CAMKMT: variants seen among roughly 807,000 people sequenced by gnomAD.
The protein encoded by CAMKMT is calmodulin-lysine N-methyltransferase.
In CAMKMT, 53 loss-of-function variants were observed where a neutral mutation model predicts 48.0. That is an observed-to-expected ratio of 1.10 (90% confidence interval 0.89 to 1.39). The LOEUF (loss-of-function observed/expected upper bound fraction) is 1.39. CAMKMT is among the 40% of genes most tolerant of loss of function. The probability of loss-of-function intolerance (pLI) is 0.00; values close to 1 mark genes in which losing one functional copy is unlikely to be tolerated. For missense variants in CAMKMT, 428 were observed against 402.7 expected (o/e 1.06, Z -0.54); for synonymous variants, 165 against 152.3 (o/e 1.08, Z -0.61).
At chr2:44,534,430 G>A (rs1174438970) in intron 3 of CAMKMT, among the ~76,000 whole-genome samples, 1 of 152,130 alleles carries the variant, frequency 6.6e-6, no homozygotes, top group African/African-American at 2.4e-5. Flanking sequence ...GCTCCAGAGT[G>A]CACATTCTTC....
chr2:44,467,313 C>T (rs553555794), intron 3 of CAMKMT, among the ~76,000 whole-genome samples: 9 of 152,116 alleles, frequency 5.9e-5, no homozygotes, highest in African/African-American at 1.7e-4. Flanking sequence ...AGGCAGACCA[C>T]CTGAGATCAG....
At chr2:44,601,046 A>G (rs1670955882) in intron 3 of CAMKMT, among the ~76,000 whole-genome samples, 2 of 152,172 alleles carry the variant, frequency 1.3e-5, no homozygotes, top group African/African-American at 4.8e-5. Flanking sequence ...AATTAAGTAT[A>G]ACATCTAGCT....
chr2:44,516,586 A>G (rs1670844158), intron 3 of CAMKMT, among the ~76,000 whole-genome samples: 1 of 152,142 alleles, frequency 6.6e-6, no homozygotes, highest in African/African-American at 2.4e-5. Flanking sequence ...CTATTAACTC[A>G]TTACCCTTGA....
chr2:44,580,693 A>G (rs1435268540), intron 3 of CAMKMT, among the ~76,000 whole-genome samples: 1 of 152,202 alleles, frequency 6.6e-6, no homozygotes, highest in Admixed American at 6.5e-5. Context: ...TGATTGCCTA[A>G]CATTAAACCT....
At position 44,766,530 on chromosome 2, in the gene CAMKMT, A is replaced by G. The variant is rs1422903198; in HGVS notation, c.863A>G (p.Tyr288Cys). 6.2e-7 allele frequency: 1 copy of G among 1,614,150 alleles called. No homozygotes were observed. The highest frequency in any genetic ancestry group is 8.5e-7 in the Non-Finnish European group (1 of 1,180,026). ...AGFCIQRHENYDEHISNFHSK... is the reference protein window; with the variant it reads ...AGFCIQRHENCDEHISNFHSK... ...TTCTGTATCCAAAGACATGAAAATT[A>G]TGATGAACACATTTCAAACTTCCAC... The change falls in exon 10 of 11, where the codon TAT becomes TGT. Residue 288 changes from tyrosine (Y) to cysteine (C), a missense_variant. Coordinates refer to ENST00000378494, the MANE Select transcript of CAMKMT (RefSeq NM_024766.5).
At position 44,361,988 on chromosome 2, in the gene CAMKMT, G is replaced by C; in HGVS notation, c.-20G>C. 6.5e-6 allele frequency: 9 copies of C among 1,378,384 alleles called. No homozygotes were observed. Among genetic ancestry groups the C allele is most frequent in the Non-Finnish European group, 8.4e-6 (9 of 1,070,204 alleles). The allele number at this position is 1,378,384 out of a possible 1,614,324, so 85.4% of individuals were successfully genotyped here. On this transcript the variant is annotated 5_prime_UTR_variant, in exon 1 of 11. Transcript: ENST00000378494. ...CGAGCTGCGGCGGTGGCACCTCCGG[G>C]TGTGGAAGGCTCCAGTGAGATGGAG...
At chr2:44,629,514 C>A (rs1159197632) in intron 3 of CAMKMT, among the ~76,000 whole-genome samples, 1 of 149,600 alleles carries the variant, frequency 6.7e-6, no homozygotes, top group Non-Finnish European at 1.5e-5. Context: ...TGGCTCACTG[C>A]AATCTCCACC....
At chr2:44,412,583 A>G (rs1486935325) in intron 3 of CAMKMT, among the ~76,000 whole-genome samples, 1 of 151,928 alleles carries the variant, frequency 6.6e-6, no homozygotes, top group African/African-American at 2.4e-5. Context: ...TGATCCACCC[A>G]TCTTGGCCTC....
intron 3 of CAMKMT, among the ~76,000 whole-genome samples, chr2:44,675,696 T>C (rs1370476071): frequency 6.6e-6 from 1 of 152,204 alleles, no homozygotes; most frequent in Non-Finnish European, 1.5e-5. Context: ...ACCATTTGCA[T>C]CATTTTAAGT....
At chr2:44,601,727 G>GT (rs979033457) in intron 3 of CAMKMT, among the ~76,000 whole-genome samples, 57 of 151,260 alleles carry the variant, frequency 3.8e-4, no homozygotes, top group South Asian at 2.1e-4. Context: ...GAATACCTTT[G>GT]TTTTTTTAAG....
intron 9 of CAMKMT, 55 bp downstream of exon 9, chr2:44,754,173 C>A: frequency 7.5e-7 from 1 of 1,326,178 alleles, no homozygotes; most frequent in South Asian, 1.2e-5. Flanking sequence ...TTAGTCTGTG[C>A]ACAAAGATGG....
intron 3 of CAMKMT, among the ~76,000 whole-genome samples, chr2:44,639,747 T>G (rs1470747034): frequency 6.6e-6 from 1 of 152,236 alleles, no homozygotes; most frequent in African/African-American, 2.4e-5. Context: ...CTGGTTTCTT[T>G]TATTCTGTTC....
At chr2:44,651,158 T>C (rs943733918) in intron 3 of CAMKMT, among the ~76,000 whole-genome samples, 2 of 152,208 alleles carry the variant, frequency 1.3e-5, no homozygotes, top group East Asian at 1.9e-4. Flanking sequence ...GTTCATTCAA[T>C]TGATGTTTCT....
At chr2:44,575,040 C>G (rs1669140087) in intron 3 of CAMKMT, among the ~76,000 whole-genome samples, 1 of 151,942 alleles carries the variant, frequency 6.6e-6, no homozygotes, top group Admixed American at 6.6e-5. Context: ...ACATTGTGAG[C>G]CACCATGCCT....
intron 3 of CAMKMT, among the ~76,000 whole-genome samples, chr2:44,454,003 A>C (rs1667431446): frequency 6.6e-6 from 1 of 152,098 alleles, no homozygotes; most frequent in Non-Finnish European, 1.5e-5. Flanking sequence ...CCATTGAGAG[A>C]GAGAAGGAAA....
chr2:44,517,974 C>G (rs1670916876), intron 3 of CAMKMT, among the ~76,000 whole-genome samples: 1 of 152,094 alleles, frequency 6.6e-6, no homozygotes, highest in Non-Finnish European at 1.5e-5. Context: ...CTTGGGGAAA[C>G]CAGTTAATTT....
At chr2:44,745,779 C>G (rs2104377487) in intron 8 of CAMKMT, among the ~76,000 whole-genome samples, 1 of 152,144 alleles carries the variant, frequency 6.6e-6, no homozygotes, top group South Asian at 2.1e-4. Context: ...TGGTAATGGT[C>G]TCTCTTCATA....
chr2:44,415,020 G>A (rs79155557), intron 3 of CAMKMT, among the ~76,000 whole-genome samples: 6,697 of 152,178 alleles, frequency 0.044, 453 homozygotes, highest in African/African-American at 0.15. Flanking sequence ...TGGGCATGGC[G>A]GTGTGCCTGT....
intron 7 of CAMKMT, among the ~76,000 whole-genome samples, chr2:44,736,824 G>C (rs768107960): frequency 2.8e-4 from 42 of 152,200 alleles, no homozygotes; most frequent in Admixed American, 6.5e-4. Flanking sequence ...AGGCATTGTA[G>C]TTTTCATCTC....
Sources: allele counts gnomAD v4.1 joint callset (sites outside exome capture counted in the v4.1 genomes callset), GRCh38; gene constraint gnomAD v4.1.1; transcripts MANE v1.5; gene names NCBI Gene and HGNC (gene_info 2026-07-23, HGNC 2026-07-21).